Variants in ATG4B observed in about 807,000 individuals in gnomAD.
ATG4B encodes autophagy related 4B cysteine peptidase, also known as cysteine protease ATG4B.
A neutral mutation model predicts 56.6 loss-of-function variants in ATG4B; 29 were observed. That is an observed-to-expected ratio of 0.51 (90% CI 0.38 to 0.70). ATG4B has a LOEUF of 0.70. Ranked by LOEUF, ATG4B falls within the 30% of genes least tolerant of loss-of-function variation. The probability of loss-of-function intolerance (pLI) is 0.00; values close to 1 mark genes in which losing one functional copy is unlikely to be tolerated. For missense variants in ATG4B, 461 were observed against 515.5 expected (o/e 0.89, Z 1.02); for synonymous variants, 224 against 206.1 (o/e 1.09, Z -0.74).
intron 3 of ATG4B, chr2:241,653,255 A>G: frequency 7.6e-7 from 1 of 1,314,962 alleles, no homozygotes; most frequent in East Asian, 2.6e-5. Context: ...TGTTTGTCAG[A>G]CATTCCTTTT....
chr2:241,663,589 A>G (rs562437432), intron 7 of ATG4B, among the ~76,000 whole-genome samples: 1 of 152,346 alleles, frequency 6.6e-6, no homozygotes, highest in East Asian at 1.9e-4. Flanking sequence ...AAATTAATGA[A>G]ATAAGCATAC....
In ATG4B at chr2:241,673,569, C is replaced by T. The variant is rs2069050433; in HGVS notation, c.*1305C>T. On this transcript the variant is annotated 3_prime_UTR_variant, in exon 13 of 13. Transcript: ENST00000404914. ...GGTAGCAGAGGACACCCCCAGCCCC[C>T]CAAGCATTGAAGACATAGTGTATTT... is the stretch of plus-strand genomic sequence containing the variant. 8.8e-6 allele frequency: 4 copies of T among 452,574 alleles called. No individual in the cohort carries two copies. Among genetic ancestry groups the T allele is most frequent in the South Asian group, 1.6e-5 (1 of 64,066 alleles). 28.0% of individuals were successfully genotyped at this position (452,574 alleles called of 1,614,324 possible).
intron 7 of ATG4B, among the ~76,000 whole-genome samples, chr2:241,662,793 C>T (rs138880372): frequency 2.0e-5 from 3 of 149,958 alleles, no homozygotes; most frequent in Non-Finnish European, 3.0e-5. Context: ...ATCAATAAAG[C>T]GGGCCGGGCG....
At position 241,643,637 on chromosome 2, in the gene ATG4B, C is replaced by T. The variant is rs527856298; in HGVS notation, c.10+5913C>T. Among the ~76,000 whole-genome samples the T allele has an allele frequency of 6.9e-5, 10 of 145,888 alleles. No individual in the cohort carries two copies. The South Asian group carries it at 1.3e-3, about 19-fold the overall frequency. On this transcript the variant is annotated intron_variant, in intron 1 of 12. Coordinates refer to ENST00000404914, the MANE Select transcript of ATG4B (RefSeq NM_013325.5). Reference sequence around the variant, plus strand: ...ACGTATATATACACATAAATATATACACATATATGTATAAATATATATATA... The same window carrying T: ...ACGTATATATACACATAAATATATATACATATATGTATAAATATATATATA...
intron 12 of ATG4B, chr2:241,671,755 GC>G (rs1193119547): frequency 5.0e-5 from 65 of 1,292,876 alleles, no homozygotes; most frequent in Middle Eastern, 3.1e-4. Context: ...GGCACCACTG[GC>G]CATGGGTGGC....
At chr2:241,646,699 G>A (rs2068069595) in intron 1 of ATG4B, among the ~76,000 whole-genome samples, 1 of 151,924 alleles carries the variant, frequency 6.6e-6, no homozygotes, top group South Asian at 2.1e-4. Flanking sequence ...TTGCCCAACT[G>A]TAGGCTAATG....
chr2:241,673,328 G>A lies in ATG4B; in HGVS notation c.*1064G>A, dbSNP rs1191196412. On this transcript the variant is annotated 3_prime_UTR_variant, in exon 13 of 13. Transcript: ENST00000404914. ...AACCTGCTGTCCCGGGTCCCAGAGTGCACTCTGCCCCGCTGCTCTGCTGCC... is the reference window on the plus strand; with the variant it reads ...AACCTGCTGTCCCGGGTCCCAGAGTACACTCTGCCCCGCTGCTCTGCTGCC... The A allele has an allele frequency of 5.7e-6, 2 of 352,716 alleles. No individual in the cohort carries two copies. Among genetic ancestry groups the A allele is most frequent in the East Asian group, 7.4e-5 (1 of 13,484 alleles). 21.8% of individuals were successfully genotyped at this position (352,716 alleles called of 1,614,324 possible). A position where few individuals can be genotyped will look rare whatever the true frequency, so the allele number is the denominator to read the frequency against.
chr2:241,652,990 G>A (rs889287739), intron 3 of ATG4B, among the ~76,000 whole-genome samples: 6 of 152,310 alleles, frequency 3.9e-5, no homozygotes, highest in Admixed American at 2.0e-4. Flanking sequence ...TGTTTCCCAC[G>A]TGCCTGTCAC....
intron 7 of ATG4B, 106 bp downstream of exon 7, chr2:241,659,293 C>T: frequency 3.0e-6 from 3 of 1,011,316 alleles, no homozygotes; most frequent in African/African-American, 3.2e-5. Context: ...TTGTCAGTCG[C>T]CCCATGCCGT....
intron 1 of ATG4B, chr2:241,638,149 T>C (rs2125106216): frequency 6.4e-6 from 1 of 156,052 alleles, no homozygotes; most frequent in Admixed American, 6.5e-5. Context: ...CAGCTGAGCG[T>C]GAAGGGATGG....
rs1177758443 is a variant in ATG4B, at chr2:241,651,914, G to A, written c.184+579G>A. 7.7e-7 allele frequency: 1 copy of A among 1,304,128 alleles called. No individual in the cohort carries two copies. Among genetic ancestry groups the A allele is most frequent in the South Asian group, 1.2e-5 (1 of 81,026 alleles). 80.8% of individuals were successfully genotyped at this position (1,304,128 alleles called of 1,614,324 possible). On this transcript the variant is annotated intron_variant, in intron 3 of 12. Transcript: ENST00000404914. This position sits in a 1 kb window ranked among gnomAD's most constrained non-coding sequence, Gnocchi z 4.1. ...CATCATTGTTGTATACCCTGGAGCT[G>A]GAAGGAGATGGGGACTGGTTCTCAG...
chr2:241,644,544 G>C (rs2068004975), intron 1 of ATG4B, among the ~76,000 whole-genome samples: 1 of 152,178 alleles, frequency 6.6e-6, no homozygotes, highest in South Asian at 2.1e-4. Context: ...TATCGACCAG[G>C]CTCTCAGACT....
intron 5 of ATG4B, chr2:241,654,899 G>A: frequency 3.5e-6 from 2 of 578,178 alleles, no homozygotes; most frequent in East Asian, 2.9e-5. Flanking sequence ...GCAGTGCCTG[G>A]TGCTCGGCAC....
chr2:241,657,295 T>TC (rs1444931394), intron 6 of ATG4B, among the ~76,000 whole-genome samples: 1 of 139,456 alleles, frequency 7.2e-6, no homozygotes, highest in African/African-American at 2.7e-5. Flanking sequence ...TCTTTCTTTT[T>TC]TTTTTTTTTA....
In ATG4B at chr2:241,666,755, T is replaced by C. The variant is rs778785122; in HGVS notation, c.649T>C (p.Ser217Pro). The C allele has an allele frequency of 6.9e-6, 11 of 1,604,960 alleles. No homozygotes were observed. Among genetic ancestry groups the C allele is most frequent in the Non-Finnish European group, 8.5e-6 (10 of 1,175,792 alleles). ...PAGAEVTNRP[S>P]PWRPLVLLIP... ...CGGAGCTGAGGTCACCAACAGGCCG[T>C]CGCCATGGAGACCCCTGGTACTTCT... The change falls in exon 8 of 13, where the codon TCG becomes CCG. Residue 217 changes from serine (S) to proline (P), a missense_variant. Transcript: ENST00000404914.
intron 6 of ATG4B, 48 bp downstream of exon 6, chr2:241,655,391 C>T: frequency 6.4e-7 from 1 of 1,557,830 alleles, no homozygotes; most frequent in East Asian, 2.4e-5. Flanking sequence ...AGGGATGTTC[C>T]CTGGGGGTTA....
intron 3 of ATG4B, chr2:241,652,131 G>A (rs1482123422): frequency 2.7e-6 from 1 of 369,866 alleles, no homozygotes; most frequent in Non-Finnish European, 5.2e-6. Flanking sequence ...ACATACGACA[G>A]TGTCTCCTTA....
Position 241,673,598 on chromosome 2 carries a change from C to T in ATG4B, c.*1334C>T, listed in dbSNP as rs540696510. Reference sequence around the variant, plus strand: ...GCATTGAAGACATAGTGTATTTCCTCGTATCCTTTCTCCCTTGGGTGTAGT... The same window carrying T: ...GCATTGAAGACATAGTGTATTTCCTTGTATCCTTTCTCCCTTGGGTGTAGT... On this transcript the variant is annotated 3_prime_UTR_variant, in exon 13 of 13. Transcript: ENST00000404914. The T allele has an allele frequency of 1.4e-4, 62 of 455,472 alleles. No homozygotes were observed. In the Middle Eastern group the frequency reaches 1.4e-3, roughly 10 times the overall value. The allele number at this position is 455,472 out of a possible 1,614,324, so 28.2% of individuals were successfully genotyped here.
At chr2:241,648,884 A>AT (rs2068144603) in intron 1 of ATG4B, among the ~76,000 whole-genome samples, 4 of 152,314 alleles carry the variant, frequency 2.6e-5, no homozygotes, top group Admixed American at 6.5e-5. Flanking sequence ...TGCGCATACA[A>AT]TTAAGGCTTT....
Sources: allele counts gnomAD v4.1 joint callset (sites outside exome capture counted in the v4.1 genomes callset), GRCh38; gene constraint gnomAD v4.1.1; non-coding constraint Gnocchi (gnomAD v3.1); transcripts MANE v1.5; gene names NCBI Gene and HGNC (gene_info 2026-07-23, HGNC 2026-07-21).